The following RSRP1 variants were observed in gnomAD, a reference collection of about 807,000 sequenced individuals.
The protein encoded by RSRP1 is arginine and serine rich protein 1, also known as arginine/serine-rich protein 1.
Under a neutral mutation model 33.0 loss-of-function variants are expected in RSRP1, and 37 were observed. That is an observed-to-expected ratio of 1.12 (90% CI 0.86 to 1.48). The LOEUF (loss-of-function observed/expected upper bound fraction) is 1.48, where lower values mean the gene tolerates loss of function less well. Ranked by LOEUF, RSRP1 falls within the 40% of genes most tolerant of loss-of-function variation. The pLI is 0.00. For missense variants in RSRP1, 402 were observed against 385.3 expected, an observed-to-expected ratio of 1.04 and a Z score of -0.36; for synonymous variants, 167 against 158.7, an observed-to-expected ratio of 1.05 and a Z score of -0.40.
intron 1 of RSRP1, among the ~76,000 whole-genome samples, chr1:25,332,449 A>G (rs531464198): frequency 7.5e-6 from 1 of 132,618 alleles, no homozygotes; most frequent in South Asian, 2.3e-4. Flanking sequence ...TTCTGGGGAT[A>G]TATCCATGAA....
intron 1 of RSRP1, among the ~76,000 whole-genome samples, chr1:25,283,867 G>A (rs1160355014): frequency 1.5e-5 from 2 of 133,988 alleles, no homozygotes; most frequent in Non-Finnish European, 3.5e-5. Flanking sequence ...TTAAACCAAA[G>A]TGCTCACCCT....
intron 1 of RSRP1, among the ~76,000 whole-genome samples, chr1:25,331,825 C>A (rs1645016193): frequency 1.6e-5 from 2 of 121,344 alleles, no homozygotes; most frequent in African/African-American, 5.6e-5. Context: ...CTGCAAGCTC[C>A]GCCTCCCGGG....
At position 25,310,724 on chromosome 1, in the gene RSRP1, C is replaced by A. The variant is rs1182833532; in HGVS notation, c.-67+27254G>T. On this transcript the variant is annotated intron_variant, in intron 1 of 1. Transcript: ENST00000561867. ...CGGTGTCTCAGGCTTATAATCCCAG[C>A]ACTTTGGGAGGCCAAAGCAGGTGGA... 1.1e-4 allele frequency among the ~76,000 whole-genome samples: 15 copies of A among 132,556 alleles called. 5 individuals carry two copies. The highest frequency in any genetic ancestry group is 1.1e-3 in the Admixed American group (15 of 13,502). The allele number at this position is 132,556 out of a possible 152,430, so 87.0% of individuals were successfully genotyped here.
chr1:25,292,158 G>A (rs113007365), intron 1 of RSRP1, among the ~76,000 whole-genome samples: 1 of 132,406 alleles, frequency 7.6e-6, no homozygotes, highest in African/African-American at 2.6e-5. Flanking sequence ...AATCACATGA[G>A]ATGATGCATG....
At chr1:25,323,539 G>A (rs1275379003) in intron 1 of RSRP1, among the ~76,000 whole-genome samples, 1 of 127,132 alleles carries the variant, frequency 7.9e-6, no homozygotes, top group Non-Finnish European at 1.8e-5. Flanking sequence ...GCTCACTGTA[G>A]CCTCAACCTC....
rs906158260 is a variant in RSRP1, at chr1:25,265,421, C to T, written c.-66-18392G>A. 1.6e-4 allele frequency among the ~76,000 whole-genome samples: 14 copies of T among 87,974 alleles called. 1 individual carries two copies. Among genetic ancestry groups the T allele is most frequent in the African/African-American group, 5.0e-4 (13 of 25,768 alleles). The allele number at this position is 87,974 out of a possible 152,430, so 57.7% of individuals were successfully genotyped here. On this transcript the variant is annotated intron_variant, in intron 1 of 1. Transcript: ENST00000561867. Reference sequence around the variant, plus strand: ...GCCTGGAGGTTTGTGTGTGCACATGCATGTGTATGTGTTTTACGATAGTAG... The same window carrying T: ...GCCTGGAGGTTTGTGTGTGCACATGTATGTGTATGTGTTTTACGATAGTAG...
At position 25,331,575 on chromosome 1, in the gene RSRP1, T is replaced by TG. The variant is rs1645007347; in HGVS notation, c.-67+6402_-67+6403insC. Among the ~76,000 whole-genome samples the TG allele has an allele frequency of 5.5e-5, 6 of 109,606 alleles. 1 individual carries two copies. In the South Asian group the frequency reaches 1.4e-3, roughly 26 times the overall value. 71.9% of individuals were successfully genotyped at this position (109,606 alleles called of 152,430 possible). On this transcript the variant is annotated intron_variant, in intron 1 of 1. Transcript: ENST00000561867. ...CTGAGAAAAATGTGATTTTTTTTTT[T>TG]TTTTTTTTTTGAGACAGAGTCTTGC... is the stretch of plus-strand genomic sequence containing the variant.
In RSRP1 at chr1:25,255,536, G is replaced by C. The variant is rs1557496232; in HGVS notation, c.-66-8507C>G. 2.0e-5 allele frequency among the ~76,000 whole-genome samples: 3 copies of C among 152,298 alleles called. No homozygotes were observed. The South Asian group carries it at 6.2e-4, about 32-fold the overall frequency. ...GCAGTCCCCAACCCTTTCGGCAACA[G>C]GGACCAGTTTCGTAGAAGACCATTT... On this transcript the variant is annotated intron_variant, in intron 1 of 1. Transcript: ENST00000561867.
intron 1 of RSRP1, among the ~76,000 whole-genome samples, chr1:25,315,386 G>C (rs996018371): frequency 3.1e-5 from 4 of 130,174 alleles, no homozygotes; most frequent in African/African-American, 7.9e-5. Context: ...CACACGGAAG[G>C]GGGGATGGCT....
intron 1 of RSRP1, among the ~76,000 whole-genome samples, chr1:25,286,687 G>A (rs2124629616): frequency 7.4e-6 from 1 of 134,320 alleles, no homozygotes; most frequent in East Asian, 1.9e-4. Flanking sequence ...TCGGGAGGCT[G>A]AGGCAGGAGA....
At chr1:25,306,491 G>A in intron 1 of RSRP1, 1 of 1,082,320 alleles carries the variant, frequency 9.2e-7, no homozygotes, top group Non-Finnish European at 1.4e-6. Context: ...GAGCCTTAGT[G>A]CCCATCCCCC....
Position 25,298,481 on chromosome 1 carries a change from C to G in RSRP1, c.-67+39497G>C, listed in dbSNP as rs570963851. The stretch of plus-strand genomic sequence containing the variant: ...GCAGGAGGGCCCGGGGGAACCAGAG[C>G]CAGGGACCAGAGTCATTTCAGTGCA... On this transcript the variant is annotated intron_variant, in intron 1 of 1. Transcript: ENST00000561867. Among the ~76,000 whole-genome samples the G allele has an allele frequency of 4.8e-3, 611 of 127,738 alleles. 81 individuals carry two copies. Among genetic ancestry groups the G allele is most frequent in the African/African-American group, 0.014 (547 of 37,970 alleles). 83.8% of individuals were successfully genotyped at this position (127,738 alleles called of 152,430 possible). A position where few individuals can be genotyped will look rare whatever the true frequency, so the allele number is the denominator to read the frequency against.
intron 1 of RSRP1, among the ~76,000 whole-genome samples, chr1:25,254,566 G>A (rs1361896303): frequency 6.6e-6 from 1 of 152,164 alleles, no homozygotes; most frequent in Admixed American, 6.5e-5. Context: ...CTCCTGAGTA[G>A]CTGGGATTAT....
At chr1:25,259,851 CT>C (rs1640074006) in intron 1 of RSRP1, among the ~76,000 whole-genome samples, 1 of 152,084 alleles carries the variant, frequency 6.6e-6, no homozygotes, top group African/African-American at 2.4e-5. Flanking sequence ...GAATTAACAG[CT>C]TTGTGAACGT....
At chr1:25,257,252 G>T (rs1283200950) in intron 1 of RSRP1, among the ~76,000 whole-genome samples, 1 of 152,006 alleles carries the variant, frequency 6.6e-6, no homozygotes, top group African/African-American at 2.4e-5. Context: ...CATTTATCAC[G>T]CTTGTAATTA....
intron 1 of RSRP1, among the ~76,000 whole-genome samples, chr1:25,257,172 T>G (rs1639974690): frequency 6.6e-6 from 1 of 152,262 alleles, no homozygotes; most frequent in Non-Finnish European, 1.5e-5. Context: ...TGGGAATGCC[T>G]TCTTGATCTC....
At chr1:25,244,580 A>G in intron 3 of RSRP1, 1 of 1,285,848 alleles carries the variant, frequency 7.8e-7, no homozygotes. Flanking sequence ...TGCAAATGAA[A>G]GCTACAAACA....
chr1:25,291,789 G>A (rs1460487153), intron 1 of RSRP1, among the ~76,000 whole-genome samples: 4 of 132,708 alleles, frequency 3.0e-5, no homozygotes, highest in African/African-American at 1.0e-4. Flanking sequence ...AGGCAGCTGT[G>A]AAGGTAAGGC....
chr1:25,307,714 G>A (rs2257611), intron 1 of RSRP1: 317,683 of 1,307,080 alleles, frequency 0.24, 102,502 homozygotes, highest in Admixed American at 0.31. Context: ...GCGTTTGGAC[G>A]TGTCTCAGAG....
Sources: gnomAD v4.1 joint callset for allele counts (sites outside exome capture counted in the v4.1 genomes callset) on GRCh38, gnomAD v4.1.1 for gene constraint, MANE v1.5 for transcripts, NCBI Gene and HGNC (gene_info 2026-07-23, HGNC 2026-07-21) for gene names.